The following NQO2 variants were observed in gnomAD, a reference collection of about 807,000 sequenced individuals.
The protein encoded by NQO2 is N-ribosyldihydronicotinamide:quinone dehydrogenase 2, also known as ribosyldihydronicotinamide dehydrogenase [quinone].
A neutral mutation model predicts 22.0 loss-of-function variants in NQO2; 18 were observed. That is an observed-to-expected ratio of 0.82 (90% confidence interval 0.56 to 1.21). The LOEUF (loss-of-function observed/expected upper bound fraction) is 1.21, where lower values mean the gene tolerates loss of function less well. Ranked by LOEUF, NQO2 falls within the 50% of genes most tolerant of loss-of-function variation. The pLI is 0.00. For missense variants in NQO2, 267 were observed against 286.9 expected (o/e 0.93, Z 0.50); for synonymous variants, 106 against 110.8 (o/e 0.96, Z 0.28).
intron 4 of NQO2, chr6:3,015,092 GT>G (rs780180068): frequency 3.9e-6 from 5 of 1,291,940 alleles, no homozygotes; most frequent in Non-Finnish European, 5.0e-6. Flanking sequence ...CATGACTTTA[GT>G]TGGTGTCTAA....
At chr6:3,004,147 T>C (rs2756074) in intron 1 of NQO2, 44 of 200,690 alleles carry the variant, frequency 2.2e-4, no homozygotes, top group African/African-American at 7.3e-4. Flanking sequence ...AGGGTATTTC[T>C]TGGAAGCCCC....
chr6:3,001,367 T>A (rs977399997), intron 1 of NQO2, among the ~76,000 whole-genome samples: 1 of 152,288 alleles, frequency 6.6e-6, no homozygotes, highest in Middle Eastern at 3.4e-3. Flanking sequence ...CTGGGATTAA[T>A]GAACCACTGC....
chr6:3,008,280 G>A (rs1197959759), intron 2 of NQO2, among the ~76,000 whole-genome samples: 3 of 152,076 alleles, frequency 2.0e-5, no homozygotes, highest in East Asian at 1.9e-4. Flanking sequence ...TTATCCGGGC[G>A]TGGTGGCGCA....
rs551395938 is a variant in NQO2, at chr6:3,004,663, C to T, written c.-85-1805C>T. 4.1e-6 allele frequency: 4 copies of T among 984,970 alleles called. No homozygotes were observed. In the African/African-American group the frequency reaches 5.2e-5, roughly 13 times the overall value. The allele number at this position is 984,970 out of a possible 1,614,324, so 61.0% of individuals were successfully genotyped here. A position where few individuals can be genotyped will look rare whatever the true frequency, so the allele number is the denominator to read the frequency against. ...AGATTCCAGTCCTGGTGGGGATAAG[C>T]ACCACTTTTGTGTGTCTCTGTGCTT... is the stretch of plus-strand genomic sequence containing the variant. On this transcript the variant is annotated intron_variant, in intron 1 of 6. Coordinates refer to ENST00000380455, the MANE Select transcript of NQO2 (RefSeq NM_000904.6).
chr6:3,009,854 G>A (rs1757082848), intron 2 of NQO2, 171 bp from the exon 3 acceptor site: 28 of 860,514 alleles, frequency 3.3e-5, no homozygotes, highest in Admixed American at 1.9e-4. Flanking sequence ...GTGACAGAGT[G>A]AGACTGTCTA....
intron 1 of NQO2, among the ~76,000 whole-genome samples, chr6:3,002,580 G>T (rs950686938): frequency 1.3e-5 from 2 of 152,034 alleles, no homozygotes; most frequent in African/African-American, 4.8e-5. Context: ...AAAATGCTGG[G>T]ATTACAGGTG....
chr6:3,007,463 C>T (rs73718696), intron 2 of NQO2, among the ~76,000 whole-genome samples: 1 of 152,190 alleles, frequency 6.6e-6, no homozygotes, highest in Non-Finnish European at 1.5e-5. Context: ...GTAGCCAGCT[C>T]AATGCCCTGA....
In NQO2 at chr6:3,011,714, C is replaced by T. The variant is rs139985382; in HGVS notation, c.173-830C>T. On this transcript the variant is annotated intron_variant, in intron 3 of 6. Transcript: ENST00000380455. ...TAAAAGCAAATAACATGTAACAGAG[C>T]TCCAGTTCATCTGGCAACAGACTTC... is the stretch of plus-strand genomic sequence containing the variant. 6.3e-3 allele frequency among the ~76,000 whole-genome samples: 965 copies of T among 152,236 alleles called. 8 individuals carry two copies. The highest frequency in any genetic ancestry group is 0.022 in the African/African-American group (916 of 41,524).
chr6:3,015,638 C>T lies in NQO2; in HGVS notation c.412C>T (p.Leu138Phe), dbSNP rs1421420363. The T allele has an allele frequency of 1.2e-6, 2 of 1,614,062 alleles. No individual in the cohort carries two copies. The highest frequency in any genetic ancestry group is 1.3e-5 in the African/African-American group (1 of 75,038). The change falls in exon 5 of 7, where the codon CTC (leucine) becomes TTC (phenylalanine). Residue 138 changes from leucine (L) to phenylalanine (F), a missense_variant. Physicochemically the swap from Leu to Phe is conservative, Grantham distance 22. Coordinates refer to ENST00000380455, the MANE Select transcript of NQO2 (RefSeq NM_000904.6). Reference sequence around the variant, plus strand: ...CCCAGGATTCTACGATTCCGGTTTGCTCCAGGTATGTGCTCTTGGATAAGG... The same window carrying T: ...CCCAGGATTCTACGATTCCGGTTTGTTCCAGGTATGTGCTCTTGGATAAGG... ...DIPGFYDSGL[L>F]QGKLALLSVT... is the part of the protein sequence containing the mutation.
At chr6:3,017,555 G>C (rs1757377091) in intron 6 of NQO2, among the ~76,000 whole-genome samples, 1 of 152,220 alleles carries the variant, frequency 6.6e-6, no homozygotes, top group African/African-American at 2.4e-5. Flanking sequence ...GCTTCCCCAG[G>C]GGACCTCTTG....
At chr6:3,010,248 A>G (rs3923259) in intron 3 of NQO2, 59 bp downstream of exon 3, 47,164 of 1,413,744 alleles carry the variant, frequency 0.033, 874 homozygotes, top group African/African-American at 0.056. Context: ...TTTACTTTAA[A>G]AAATGTTGAC....
Position 3,019,594 on chromosome 6 carries a change from T to A in NQO2, c.635T>A (p.Leu212Gln). 1 of 1,614,164 alleles carries A rather than the reference T, an allele frequency of 6.2e-7. No homozygotes were observed. Among genetic ancestry groups the A allele is most frequent in the Non-Finnish European group, 8.5e-7 (1 of 1,180,020 alleles). ...KGMVAAWSQR[L>Q]QTIWKEEPIP... ...ATGGTGGCTGCGTGGTCCCAGAGGC[T>A]GCAGACCATCTGGAAGGAAGAGCCC... The change falls in exon 7 of 7, where the codon CTG becomes CAG. Residue 212 changes from leucine (L) to glutamine (Q), a missense_variant. Coordinates refer to ENST00000380455, the MANE Select transcript of NQO2 (RefSeq NM_000904.6).
At chr6:3,016,568 T>TG (rs1561717238) in intron 5 of NQO2, among the ~76,000 whole-genome samples, 2 of 152,210 alleles carry the variant, frequency 1.3e-5, no homozygotes, top group Non-Finnish European at 2.9e-5. Flanking sequence ...AGCAGCCCTG[T>TG]GTGCTGGGAA....
intron 2 of NQO2, among the ~76,000 whole-genome samples, chr6:3,007,149 CTA>C (rs370061509): frequency 1.3e-5 from 2 of 152,140 alleles, no homozygotes; most frequent in African/African-American, 4.8e-5. Context: ...CCAGATAATC[CTA>C]TGTTTTGGGG....
chr6:3,019,238 A>T, intron 6 of NQO2: 2 of 364,954 alleles, frequency 5.5e-6, no homozygotes, highest in Non-Finnish European at 7.6e-6. Context: ...ATTGTAGGTT[A>T]ATTGCAGTTA....
rs566847987 is a variant in NQO2, at chr6:3,015,167, G to A, written c.304-363G>A. On this transcript the variant is annotated intron_variant, in intron 4 of 6. Coordinates refer to ENST00000380455, the MANE Select transcript of NQO2 (RefSeq NM_000904.6). ...AGATGCTAACAACACACCCCAGGCA[G>A]GCGAAGGGGCATGCTTTTCCATACT... is the stretch of plus-strand genomic sequence containing the variant. 345 of 1,310,270 alleles carry A rather than the reference G, an allele frequency of 2.6e-4. 5 individuals are homozygous for A. The highest frequency in any genetic ancestry group is 2.7e-5 in the Non-Finnish European group (27 of 1,002,908). 81.2% of individuals were successfully genotyped at this position (1,310,270 alleles called of 1,614,324 possible).
Position 3,006,566 on chromosome 6 carries a change from A to G in NQO2, c.7+7A>G. Reference sequence around the variant, plus strand: ...CCTTCTTACGCTATGGCAGGTAATGATTCACTATTGTGGAGTAAGACTTTT... The same window carrying G: ...CCTTCTTACGCTATGGCAGGTAATGGTTCACTATTGTGGAGTAAGACTTTT... On this transcript the variant is annotated splice_region_variant and intron_variant, in intron 2 of 6. Coordinates refer to ENST00000380455, the MANE Select transcript of NQO2 (RefSeq NM_000904.6). This position sits in a 1 kb window ranked among gnomAD's most constrained non-coding sequence, Gnocchi z 4.0. 1.2e-6 allele frequency: 2 copies of G among 1,603,518 alleles called. No homozygotes were observed. The highest frequency in any genetic ancestry group is 1.7e-6 in the Non-Finnish European group (2 of 1,175,534).
chr6:3,018,298 G>T (rs1187559856), intron 6 of NQO2, among the ~76,000 whole-genome samples: 1 of 152,184 alleles, frequency 6.6e-6, no homozygotes, highest in Non-Finnish European at 1.5e-5. Context: ...CTGAGGTCAG[G>T]AGTTTGAGAC....
At chr6:3,013,523 A>C (rs1213629326) in intron 4 of NQO2, among the ~76,000 whole-genome samples, 2 of 151,876 alleles carry the variant, frequency 1.3e-5, no homozygotes, top group African/African-American at 4.8e-5. Flanking sequence ...ATCTCCTTAA[A>C]TATCCTGCCT....
Sources: allele counts gnomAD v4.1 joint callset (sites outside exome capture counted in the v4.1 genomes callset), GRCh38; gene constraint gnomAD v4.1.1; non-coding constraint Gnocchi (gnomAD v3.1); transcripts MANE v1.5; gene names NCBI Gene and HGNC (gene_info 2026-07-23, HGNC 2026-07-21).